Variants in MYO3B observed in about 807,000 individuals in gnomAD.
MYO3B encodes myosin-IIIb.
Under a neutral mutation model 174.6 loss-of-function variants are expected in MYO3B, and 156 were observed. The observed-to-expected ratio is 0.89, with a 90% CI of 0.78 to 1.02. The LOEUF (loss-of-function observed/expected upper bound fraction) is 1.02, where lower values mean the gene tolerates loss of function less well. Among genes scored for constraint, MYO3B ranks in the 50% least tolerant of loss-of-function variants. MYO3B has a pLI of 0.00. For synonymous variants in MYO3B, 563 were observed against 569.1 expected, an observed-to-expected ratio of 0.99 and a Z score of 0.15; for missense variants, 1,632 against 1,639.4, an observed-to-expected ratio of 1.00 and a Z score of 0.08.
At position 170,422,670 on chromosome 2, in the gene MYO3B, G is replaced by A. The variant is rs368553777; in HGVS notation, c.2650+14826G>A. ...GGTGGGGTTTCACCATGTTGGCCAG[G>A]CTGGTCTCAAACTGACCTCAGGTGA... is the stretch of plus-strand genomic sequence containing the variant. On this transcript the variant is annotated intron_variant, in intron 22 of 34. Coordinates refer to ENST00000408978, the MANE Select transcript of MYO3B (RefSeq NM_138995.5). 3.0e-4 allele frequency among the ~76,000 whole-genome samples: 46 copies of A among 151,932 alleles called. 1 individual carries two copies. In the East Asian group the frequency reaches 8.2e-3, roughly 27 times the overall value.
intron 7 of MYO3B, among the ~76,000 whole-genome samples, chr2:170,282,482 A>G (rs1042511570): frequency 3.9e-5 from 6 of 152,262 alleles, no homozygotes; most frequent in Non-Finnish European, 7.4e-5. Flanking sequence ...TTTTATACCA[A>G]TACGATGCTC....
At chr2:170,207,652 G>T (rs1314918803) in intron 3 of MYO3B, among the ~76,000 whole-genome samples, 1 of 147,050 alleles carries the variant, frequency 6.8e-6, no homozygotes, top group Non-Finnish European at 1.5e-5. Context: ...TATCAGTGAA[G>T]AGAGGAAGAG....
At chr2:170,431,672 T>G (rs2094710150) in intron 22 of MYO3B, among the ~76,000 whole-genome samples, 1 of 152,270 alleles carries the variant, frequency 6.6e-6, no homozygotes, top group Non-Finnish European at 1.5e-5. Context: ...AAGGGATTTC[T>G]TTGGGGCTTT....
chr2:170,583,050 C>T (rs1030804924), intron 32 of MYO3B, among the ~76,000 whole-genome samples: 2 of 151,892 alleles, frequency 1.3e-5, no homozygotes, highest in African/African-American at 2.4e-5. Context: ...AGAGTCTACC[C>T]GCCCCACCGC....
intron 23 of MYO3B, among the ~76,000 whole-genome samples, chr2:170,458,172 C>T (rs958634397): frequency 6.6e-6 from 1 of 152,292 alleles, no homozygotes; most frequent in Non-Finnish European, 1.5e-5. Flanking sequence ...TGATTGGCAG[C>T]GCAGGTTTGT....
chr2:170,631,246 G>A (rs955562596), intron 32 of MYO3B, among the ~76,000 whole-genome samples: 5 of 152,156 alleles, frequency 3.3e-5, no homozygotes, highest in Non-Finnish European at 7.4e-5. Context: ...AGAACTACGT[G>A]ATGAATGCAC....
intron 32 of MYO3B, among the ~76,000 whole-genome samples, chr2:170,632,145 TACAGAACTCTCC>T (rs1166444362): frequency 6.6e-6 from 1 of 152,172 alleles, no homozygotes; most frequent in Non-Finnish European, 1.5e-5. Flanking sequence ...AATAGACATC[TACAGAACTCTCC>T]ACCCCAAATC....
intron 22 of MYO3B, among the ~76,000 whole-genome samples, chr2:170,410,601 A>G (rs1235179341): frequency 1.3e-5 from 2 of 151,768 alleles, no homozygotes; most frequent in Non-Finnish European, 2.9e-5. Context: ...AGAAAAAAAA[A>G]AAAAAAAAAA....
At chr2:170,181,723 A>C (rs1167092413) in intron 1 of MYO3B, among the ~76,000 whole-genome samples, 2 of 152,162 alleles carry the variant, frequency 1.3e-5, no homozygotes, top group Non-Finnish European at 2.9e-5. Flanking sequence ...TGTTCTGTTA[A>C]TATAAATCTA....
intron 22 of MYO3B, among the ~76,000 whole-genome samples, chr2:170,422,508 G>C (rs148336681): frequency 6.6e-6 from 1 of 151,430 alleles, no homozygotes; most frequent in Admixed American, 6.6e-5. Context: ...GCCCAGGCTG[G>C]AGTGCAGTGG....
chr2:170,578,582 A>G (rs1044586058), intron 32 of MYO3B, among the ~76,000 whole-genome samples: 5 of 152,230 alleles, frequency 3.3e-5, no homozygotes, highest in Non-Finnish European at 7.3e-5. Context: ...AATTACTACT[A>G]AAATTTACAT....
chr2:170,340,464 C>T (rs565954319), intron 8 of MYO3B: 28 of 152,232 alleles, frequency 1.8e-4, no homozygotes, highest in African/African-American at 6.7e-4. Context: ...TTTTCATCAC[C>T]TACTGTGAGG....
intron 7 of MYO3B, among the ~76,000 whole-genome samples, chr2:170,239,379 C>G (rs1291544817): frequency 6.6e-6 from 1 of 152,206 alleles, no homozygotes; most frequent in Non-Finnish European, 1.5e-5. Flanking sequence ...GAGTCTTTGG[C>G]TAATGACCCC....
intron 32 of MYO3B, among the ~76,000 whole-genome samples, chr2:170,636,178 T>TAA (rs1250187071): frequency 6.6e-6 from 1 of 152,166 alleles, no homozygotes; most frequent in Non-Finnish European, 1.5e-5. Context: ...TATCAAAGTA[T>TAA]AAGAGTTTGT....
intron 23 of MYO3B, among the ~76,000 whole-genome samples, chr2:170,461,450 G>GCAACA: frequency 7.3e-6 from 1 of 137,082 alleles, no homozygotes; most frequent in Middle Eastern, 4.5e-3. Context: ...TCCAGCCTGG[G>GCAACA]AGCAAAACTC....
At chr2:170,404,098 G>A (rs775981479) in intron 19 of MYO3B, 149 bp from the exon 20 acceptor site, 157 of 771,366 alleles carry the variant, frequency 2.0e-4, no homozygotes, top group Middle Eastern at 3.7e-4. Context: ...GGTGTTATAT[G>A]CAGAAGATTC....
intron 7 of MYO3B, among the ~76,000 whole-genome samples, chr2:170,285,832 G>T (rs2093552345): frequency 1.3e-5 from 2 of 150,216 alleles, no homozygotes; most frequent in Admixed American, 6.6e-5. Context: ...AGTTTTAAAG[G>T]TTTGCTTTTC....
At chr2:170,499,131 C>T (rs896660696) in intron 26 of MYO3B, among the ~76,000 whole-genome samples, 3 of 152,162 alleles carry the variant, frequency 2.0e-5, no homozygotes, top group Non-Finnish European at 4.4e-5. Flanking sequence ...TTTGGGAGAA[C>T]GTCACGTCCC....
chr2:170,276,472 T>G (rs2093464536), intron 7 of MYO3B, among the ~76,000 whole-genome samples: 2 of 152,218 alleles, frequency 1.3e-5, no homozygotes, highest in South Asian at 4.1e-4. Context: ...ATACAAACCC[T>G]GTATTTTATA....
Sources: gnomAD v4.1 joint callset for allele counts (sites outside exome capture counted in the v4.1 genomes callset) on GRCh38, gnomAD v4.1.1 for gene constraint, MANE v1.5 for transcripts, NCBI Gene and HGNC (gene_info 2026-07-23, HGNC 2026-07-21) for gene names.